Variants in SYCE3 observed in about 807,000 individuals in gnomAD.
SYCE3 encodes testis highly expressed gene 2 protein.
SYCE3 carries 3 observed loss-of-function variants against 8.1 expected under a neutral mutation model. That is an observed-to-expected ratio of 0.37 (90% CI 0.17 to 0.96). SYCE3 has a LOEUF of 0.96. Ranked by LOEUF, SYCE3 falls within the 40% of genes least tolerant of loss-of-function variation. The probability of loss-of-function intolerance (pLI) is 0.41; values close to 1 mark genes in which losing one functional copy is unlikely to be tolerated. For missense variants in SYCE3, 83 were observed against 110.0 expected (o/e 0.75, Z 1.10); for synonymous variants, 36 against 38.7 (o/e 0.93, Z 0.26).
intron 1 of SYCE3, among the ~76,000 whole-genome samples, chr22:50,562,141 A>G (rs1020240119): frequency 0.031 from 1 of 32 alleles, no homozygotes; most frequent in East Asian, 0.25. Flanking sequence ...CGGGGTGAGG[A>G]GGGGTGAGGG....
At chr22:50,559,212 C>G (rs1016880876) in intron 1 of SYCE3, among the ~76,000 whole-genome samples, 1 of 152,046 alleles carries the variant, frequency 6.6e-6, no homozygotes, top group Non-Finnish European at 1.5e-5. Flanking sequence ...CCACAACCTC[C>G]GCCTCCCAGG....
At chr22:50,561,521 G>A (rs540136106) in intron 1 of SYCE3, among the ~76,000 whole-genome samples, 5 of 147,550 alleles carry the variant, frequency 3.4e-5, no homozygotes, top group East Asian at 4.2e-4. Context: ...TGTGGGGCGG[G>A]AGGAGCGTGG....
chr22:50,552,410 T>C (rs1489894200), intron 2 of SYCE3, among the ~76,000 whole-genome samples: 2 of 152,094 alleles, frequency 1.3e-5, no homozygotes, highest in African/African-American at 4.8e-5. Flanking sequence ...CCCAGCACTT[T>C]GGGAGGCCAA....
chr22:50,557,588 C>T (rs12157953), intron 1 of SYCE3, among the ~76,000 whole-genome samples: 12,812 of 152,170 alleles, frequency 0.084, 1,193 homozygotes, highest in African/African-American at 0.23. Flanking sequence ...AAATCATATC[C>T]GTTGTTATTT....
In SYCE3 at chr22:50,557,169, T is replaced by TC. The variant is rs2069868413; in HGVS notation, c.1-765_1-764insG. Among the ~76,000 whole-genome samples, 4 of 151,746 alleles carry TC rather than the reference T, an allele frequency of 2.6e-5. No individual in the cohort carries two copies. In the South Asian group the frequency reaches 8.3e-4, roughly 32 times the overall value. ...GTAATTTTTTTGAGTTTTTTTTTTT[T>TC]TTTTGAGACGAAGTTTTGCTCTTGT... On this transcript the variant is annotated intron_variant, in intron 1 of 2. Transcript: ENST00000406915.
chr22:50,555,089 T>C (rs972390686), intron 2 of SYCE3, among the ~76,000 whole-genome samples: 3 of 119,510 alleles, frequency 2.5e-5, no homozygotes, highest in Non-Finnish European at 5.2e-5. Flanking sequence ...GCCACTGTAC[T>C]CCAGCCTGGG....
At chr22:50,556,586 C>A (rs951634135) in intron 1 of SYCE3, among the ~76,000 whole-genome samples, 181 bp from the exon 2 acceptor site, 5 of 152,254 alleles carry the variant, frequency 3.3e-5, no homozygotes, top group African/African-American at 1.2e-4. Flanking sequence ...AAGGCCCCAG[C>A]ATAGCATTCG....
At position 50,551,472 on chromosome 22, in the gene SYCE3, C is replaced by G. The variant is rs370678097; in HGVS notation, c.110-70G>C. Reference sequence around the variant, plus strand: ...CAGCTCTGGGGTGCCCCAGAAGGGTCAGATGCCTCCAGCTGGGCTCAGCAT... The same window carrying G: ...CAGCTCTGGGGTGCCCCAGAAGGGTGAGATGCCTCCAGCTGGGCTCAGCAT... On this transcript the variant is annotated intron_variant, in intron 2 of 2. Coordinates refer to ENST00000406915, the MANE Select transcript of SYCE3 (RefSeq NM_001123225.3). 6.9e-5 allele frequency: 101 copies of G among 1,468,708 alleles called. 1 individual carries two copies. The African/African-American group carries it at 1.3e-3, about 19-fold the overall frequency. 91.0% of individuals were successfully genotyped at this position (1,468,708 alleles called of 1,614,324 possible). A position where few individuals can be genotyped will look rare whatever the true frequency, so the allele number is the denominator to read the frequency against.
intron 1 of SYCE3, among the ~76,000 whole-genome samples, chr22:50,557,245 T>C (rs58304462): frequency 0.084 from 12,652 of 151,318 alleles, 1,177 homozygotes; most frequent in African/African-American, 0.23. Context: ...CAACCTCTGC[T>C]TCCTGGGTTC....
intron 2 of SYCE3, among the ~76,000 whole-genome samples, chr22:50,554,467 G>A (rs1297301624): frequency 6.6e-6 from 1 of 152,092 alleles, no homozygotes; most frequent in Non-Finnish European, 1.5e-5. Flanking sequence ...GCCAAGGCAG[G>A]TGGATCACCT....
chr22:50,556,766 G>A (rs537621151), intron 1 of SYCE3, among the ~76,000 whole-genome samples: 336 of 152,248 alleles, frequency 2.2e-3, no homozygotes, highest in Non-Finnish European at 3.5e-3. Flanking sequence ...TAAGATGCAA[G>A]CTATTGTGCT....
intron 2 of SYCE3, among the ~76,000 whole-genome samples, chr22:50,552,548 C>A (rs2069820385): frequency 6.6e-6 from 1 of 152,108 alleles, no homozygotes; most frequent in African/African-American, 2.4e-5. Context: ...GTCCCAGCTA[C>A]TAGAGAGGCT....
chr22:50,561,527 C>T (rs1426669091), intron 1 of SYCE3, among the ~76,000 whole-genome samples: 1 of 39,378 alleles, frequency 2.5e-5, no homozygotes, highest in Non-Finnish European at 5.0e-5. Context: ...GCGGGAGGAG[C>T]GTGGGGCGGG....
Position 50,557,428 on chromosome 22 carries a change from T to C in SYCE3, c.1-1023A>G, listed in dbSNP as rs997666213. 4.6e-5 allele frequency among the ~76,000 whole-genome samples: 7 copies of C among 152,260 alleles called. No homozygotes were observed. In the South Asian group the frequency reaches 1.0e-3, roughly 23 times the overall value. On this transcript the variant is annotated intron_variant, in intron 1 of 2. Coordinates refer to ENST00000406915, the MANE Select transcript of SYCE3 (RefSeq NM_001123225.3). ...ACCTCGGCCTCCCAAAGTGCTGAGA[T>C]TACAGATGTGAGCCACCACACCCAG...
intron 2 of SYCE3, among the ~76,000 whole-genome samples, chr22:50,553,700 A>G (rs1446184338): frequency 6.6e-6 from 1 of 152,104 alleles, no homozygotes; most frequent in Admixed American, 6.6e-5. Flanking sequence ...CTCCTGCCTC[A>G]GCCTCCTGAG....
intron 1 of SYCE3, among the ~76,000 whole-genome samples, chr22:50,561,263 G>C (rs1297157708): frequency 6.6e-6 from 1 of 152,144 alleles, no homozygotes; most frequent in Admixed American, 6.5e-5. Flanking sequence ...TTTGGGGATA[G>C]AGCATGAGAC....
At chr22:50,561,841 C>T (rs1380697789) in intron 1 of SYCE3, among the ~76,000 whole-genome samples, 1 of 149,476 alleles carries the variant, frequency 6.7e-6, no homozygotes, top group South Asian at 2.1e-4. Context: ...AGAGTCTGGG[C>T]GGGTCCTGAA....
At chr22:50,552,792 A>T (rs558944662) in intron 2 of SYCE3, among the ~76,000 whole-genome samples, 12 of 152,260 alleles carry the variant, frequency 7.9e-5, no homozygotes, top group Admixed American at 6.5e-4. Flanking sequence ...TTTGGAGATG[A>T]TTAGGTCCTA....
intron 1 of SYCE3, among the ~76,000 whole-genome samples, chr22:50,559,725 C>T (rs529982380): frequency 1.1e-3 from 173 of 152,078 alleles, no homozygotes; most frequent in Middle Eastern, 6.8e-3. Flanking sequence ...GTCAGGAGTT[C>T]GAGACCCGCC....
Sources: gnomAD v4.1 joint callset for allele counts (sites outside exome capture counted in the v4.1 genomes callset) on GRCh38, gnomAD v4.1.1 for gene constraint, MANE v1.5 for transcripts, NCBI Gene and HGNC (gene_info 2026-07-23, HGNC 2026-07-21) for gene names.